Variants in ABCB5 observed in about 807,000 individuals in gnomAD.
The protein encoded by ABCB5 is ATP-binding cassette sub-family B member 5.
In ABCB5, 155 loss-of-function variants were observed where a neutral mutation model predicts 144.2. That is an observed-to-expected ratio of 1.08 (90% CI 0.94 to 1.23). The LOEUF (loss-of-function observed/expected upper bound fraction) is 1.23, where lower values mean the gene tolerates loss of function less well. Among genes scored for constraint, ABCB5 ranks in the 50% most tolerant of loss-of-function variants. The probability of loss-of-function intolerance (pLI) is 0.00; values close to 1 mark genes in which losing one functional copy is unlikely to be tolerated. For missense variants in ABCB5, 1,830 were observed against 1,520.8 expected, an observed-to-expected ratio of 1.20 and a Z score of -3.38; for synonymous variants, 610 against 528.6, an observed-to-expected ratio of 1.15 and a Z score of -2.11.
Position 20,699,822 on chromosome 7 carries a change from C to A in ABCB5, c.2155-3C>A. On this transcript the variant is annotated splice_polypyrimidine_tract_variant and splice_region_variant and intron_variant, in intron 17 of 27. Transcript: ENST00000404938. ...CACCTGATAAAAATCTGTTCCTTTTCAGATGTTTGGAAATAATGATAAAAC... is the reference window on the plus strand; with the variant it reads ...CACCTGATAAAAATCTGTTCCTTTTAAGATGTTTGGAAATAATGATAAAAC... 6.3e-7 allele frequency: 1 copy of A among 1,578,384 alleles called. No homozygotes were observed. Among genetic ancestry groups the A allele is most frequent in the South Asian group, 1.2e-5 (1 of 85,460 alleles).
chr7:20,727,860 C>T (rs1426775015), intron 22 of ABCB5, among the ~76,000 whole-genome samples: 12 of 152,036 alleles, frequency 7.9e-5, no homozygotes, highest in Admixed American at 7.9e-4. Context: ...CTTAGTGATG[C>T]TTTTTATATT....
At chr7:20,620,166 G>A (rs957864597) in intron 1 of ABCB5, among the ~76,000 whole-genome samples, 1 of 151,990 alleles carries the variant, frequency 6.6e-6, no homozygotes, top group Admixed American at 6.6e-5. Flanking sequence ...TATCAGAAAG[G>A]ACAGTCTATT....
In ABCB5 at chr7:20,665,274, C is replaced by A. The variant is rs143559522; in HGVS notation, c.1707+6598C>A. ...GTGAGTCACCCATTAAAAGTGACTT[C>A]TAAGTTCCTGATATTTTGCTATTTG... On this transcript the variant is annotated intron_variant, in intron 14 of 27. Coordinates refer to ENST00000404938, the MANE Select transcript of ABCB5 (RefSeq NM_001163941.2). 3.6e-3 allele frequency among the ~76,000 whole-genome samples: 543 copies of A among 152,246 alleles called. 3 individuals carry two copies. Among genetic ancestry groups the A allele is most frequent in the African/African-American group, 0.012 (516 of 41,544 alleles).
In ABCB5 at chr7:20,681,569, T is replaced by A. The variant is rs187350002; in HGVS notation, c.1772T>A (p.Leu591Ter). 2.5e-5 allele frequency: 41 copies of A among 1,614,196 alleles called. No homozygotes were observed. In the East Asian group the frequency reaches 8.9e-4, roughly 35 times the overall value. Residue 591 changes from leucine (L) to a stop codon, truncating the protein, a stop_gained, in exon 15 of 28, where the codon TTG becomes TAG. Coordinates refer to ENST00000404938, the MANE Select transcript of ABCB5 (RefSeq NM_001163941.2). LOFTEE classifies it high-confidence loss of function. ...CTTTCTACTATTCGAAGTGCAGATT[T>A]GATTGTGACCCTAAAGGATGGAATG... ...HRLSTIRSAD[L>*]IVTLKDGMLA...
In ABCB5 at chr7:20,756,689, A is replaced by C. The variant is rs552056477; in HGVS notation, c.*1065A>C. 2 of 152,324 alleles carry C rather than the reference A, an allele frequency of 1.3e-5. No individual in the cohort carries two copies. The highest frequency in any genetic ancestry group is 4.1e-4 in the South Asian group (2 of 4,830). 9.4% of individuals were successfully genotyped at this position (152,324 alleles called of 1,614,324 possible). ...AATTTTATTGTGGGTGAAAATTTTT[A>C]AACGTCTTTCTCTATAATAAAATAA... On this transcript the variant is annotated 3_prime_UTR_variant, in exon 28 of 28. Transcript: ENST00000404938.
rs990599766 is a variant in ABCB5, at chr7:20,693,382, A to T, written c.2011-5025A>T. On this transcript the variant is annotated intron_variant, in intron 16 of 27. Transcript: ENST00000404938. ...CCCTGTCTCAAAAAAAAGAAAAAAA[A>T]TCAAGAAATGCAAAGTATATTACCT... Among the ~76,000 whole-genome samples the T allele has an allele frequency of 1.9e-4, 29 of 152,248 alleles. 1 individual carries two copies. The highest frequency in any genetic ancestry group is 7.0e-4 in the African/African-American group (29 of 41,548).
intron 5 of ABCB5, among the ~76,000 whole-genome samples, chr7:20,637,579 C>A (rs1784191267): frequency 6.6e-6 from 1 of 152,020 alleles, no homozygotes. Flanking sequence ...AGCCTCCATG[C>A]CTGGCTAATT....
chr7:20,618,385 G>A (rs1444590444), intron 1 of ABCB5, among the ~76,000 whole-genome samples: 3 of 152,088 alleles, frequency 2.0e-5, no homozygotes, highest in East Asian at 3.8e-4. Flanking sequence ...TCATTTATAT[G>A]GCTATCTTCA....
intron 11 of ABCB5, among the ~76,000 whole-genome samples, chr7:20,649,310 CA>C (rs1784508187): frequency 6.6e-6 from 1 of 152,094 alleles, no homozygotes; most frequent in African/African-American, 2.4e-5. Flanking sequence ...ATGGTGAGAT[CA>C]AAGCAAGAGA....
intron 22 of ABCB5, 36 bp from the exon 23 acceptor site, chr7:20,728,279 C>T: frequency 6.2e-7 from 1 of 1,606,090 alleles, no homozygotes; most frequent in Non-Finnish European, 8.5e-7. Flanking sequence ...TGCTATAATT[C>T]ATGCCTCATT....
chr7:20,673,552 T>C (rs1398207123), intron 14 of ABCB5, among the ~76,000 whole-genome samples: 5 of 152,076 alleles, frequency 3.3e-5, no homozygotes, highest in Admixed American at 1.3e-4. Flanking sequence ...CACTTTAATC[T>C]GCTTTATCTA....
chr7:20,660,364 A>G (rs1379282459), intron 14 of ABCB5: 19 of 985,420 alleles, frequency 1.9e-5, no homozygotes, highest in Non-Finnish European at 2.0e-5. Flanking sequence ...AGTTGTTTAA[A>G]GGAGAAAGAG....
At chr7:20,631,089 C>G (rs961670232) in intron 4 of ABCB5, among the ~76,000 whole-genome samples, 1 of 152,086 alleles carries the variant, frequency 6.6e-6, no homozygotes, top group African/African-American at 2.4e-5. Context: ...TAATAGCTAT[C>G]ATTAGTTGGG....
chr7:20,623,126 G>C, intron 1 of ABCB5, 139 bp from the exon 2 acceptor site: 1 of 586,286 alleles, frequency 1.7e-6, no homozygotes, highest in Non-Finnish European at 3.0e-6. Context: ...TTCAATTGGA[G>C]TGGGGGGCTG....
At chr7:20,729,241 G>T (rs1782134068) in intron 23 of ABCB5, among the ~76,000 whole-genome samples, 2 of 152,258 alleles carry the variant, frequency 1.3e-5, no homozygotes, top group African/African-American at 4.8e-5. Flanking sequence ...CAGATGAATT[G>T]CTCTCTGCTT....
At chr7:20,636,959 T>C (rs1218195144) in intron 5 of ABCB5, among the ~76,000 whole-genome samples, 1 of 152,152 alleles carries the variant, frequency 6.6e-6, no homozygotes. Context: ...GACAGCCTTC[T>C]ATCCGATACA....
chr7:20,745,972 T>C (rs1782707680), intron 26 of ABCB5, among the ~76,000 whole-genome samples: 1 of 152,262 alleles, frequency 6.6e-6, no homozygotes, highest in Admixed American at 6.5e-5. Context: ...ACAGTCGCTT[T>C]GCTGCAGCTG....
chr7:20,681,588 T>G lies in ABCB5; in HGVS notation c.1791T>G (p.Asp597Glu). The change falls in exon 15 of 28, where the codon GAT (aspartate) becomes GAG (glutamate). Residue 597 changes from aspartate (D) to glutamate (E), a missense_variant. Transcript: ENST00000404938. The part of the protein sequence containing the change: ...RSADLIVTLK[D>E]GMLAEKGAHA... ...CAGATTTGATTGTGACCCTAAAGGA[T>G]GGAATGCTGGCGGAGAAAGGAGCAC... 6.2e-7 allele frequency: 1 copy of G among 1,614,218 alleles called. No homozygotes were observed. The highest frequency in any genetic ancestry group is 1.7e-4 in the Middle Eastern group (1 of 6,060).
In ABCB5 at chr7:20,647,971, C is replaced by T; in HGVS notation, c.1099C>T (p.Pro367Ser). Residue 367 changes from proline to serine, a missense_variant, in exon 11 of 28, where the codon CCC (proline) becomes TCC (serine). Transcript: ENST00000404938. ...ACATTTCCTTTGTTTTTCCAAGAAA[C>T]CCAGTATAGATAACTTTTCCACAGC... ...FHIFQVIDKK[P>S]SIDNFSTAGY... 6.3e-7 allele frequency: 1 copy of T among 1,575,996 alleles called. No individual in the cohort carries two copies. The highest frequency in any genetic ancestry group is 1.1e-5 in the South Asian group (1 of 90,104).
Sources: allele counts gnomAD v4.1 joint callset (sites outside exome capture counted in the v4.1 genomes callset), GRCh38; gene constraint gnomAD v4.1.1; transcripts MANE v1.5; gene names NCBI Gene and HGNC (gene_info 2026-07-23, HGNC 2026-07-21).